PIAS4: variants seen among roughly 807,000 people sequenced by gnomAD.
PIAS4 encodes E3 SUMO-protein ligase PIAS4.
PIAS4 carries 7 observed loss-of-function variants against 58.0 expected under a neutral mutation model. That is an observed-to-expected ratio of 0.12 (90% CI 0.07 to 0.23). The LOEUF (loss-of-function observed/expected upper bound fraction) is 0.23. PIAS4 is among the 10% of genes least tolerant of loss of function. The pLI is 1.00. For synonymous variants in PIAS4, 364 were observed against 312.4 expected, an observed-to-expected ratio of 1.17 and a Z score of -1.74; for missense variants, 550 against 709.5, an observed-to-expected ratio of 0.78 and a Z score of 2.55.
rs1456836292 is a variant in PIAS4 at position 4,037,593 on chromosome 19, C to T, written c.1274-23C>T. ...TCAGTGGTTGCATCCTAAGTACCTG[C>T]ACCCTGTCCCTGTTGCCCGTAGGCC... On this transcript the variant is annotated intron_variant, in intron 10 of 10. Transcript: ENST00000262971. This position sits in a 1 kb window ranked among gnomAD's most constrained non-coding sequence, Gnocchi z 5.8. The T allele has an allele frequency of 3.1e-6, 5 of 1,608,252 alleles. No homozygotes were observed. The highest frequency in any genetic ancestry group is 4.2e-6 in the Non-Finnish European group (5 of 1,179,766).
At chr19:4,012,896 AGT>A (rs1362020042) in intron 1 of PIAS4, 25 bp from the exon 2 acceptor site, 3 of 1,588,088 alleles carry the variant, frequency 1.9e-6, no homozygotes, top group East Asian at 2.2e-5. Context: ...GTGTCCTCTG[AGT>A]GTGTGTGTGC....
chr19:4,028,588 C>T lies in PIAS4; in HGVS notation c.660C>T (p.Tyr220=). 3 of 1,612,888 alleles carry T rather than the reference C, an allele frequency of 1.9e-6. No individual in the cohort carries two copies. The highest frequency in any genetic ancestry group is 2.5e-6 in the Non-Finnish European group (3 of 1,179,886). Residue 220 remains tyrosine, a synonymous_variant, in exon 5 of 11, where the codon TAC becomes TAT. Coordinates refer to ENST00000262971, the MANE Select transcript of PIAS4 (RefSeq NM_015897.4). ...PNIAVKVNHS[Y]CSVPGYYPSN... ...TCGCTGTGAAGGTCAACCACAGCTA[C>T]TGCTCCGTCCCGGTGAGCATGCCCC...
At chr19:4,032,128 C>T (rs1158324326) in intron 7 of PIAS4, among the ~76,000 whole-genome samples, 1 of 151,964 alleles carries the variant, frequency 6.6e-6, no homozygotes, top group Non-Finnish European at 1.5e-5. Flanking sequence ...CCCAAGCGGG[C>T]AGAGATAAGT....
At chr19:4,031,131 C>T (rs925529495) in intron 7 of PIAS4, among the ~76,000 whole-genome samples, 7 of 152,082 alleles carry the variant, frequency 4.6e-5, no homozygotes, top group Non-Finnish European at 7.4e-5. Context: ...AGAGAGTTCC[C>T]CATGAGCACT....
chr19:4,007,929 C>G (rs1444829684), intron 1 of PIAS4, 142 bp downstream of exon 1: 1 of 514,700 alleles, frequency 1.9e-6, no homozygotes, highest in Admixed American at 4.9e-5. Flanking sequence ...CAGACCCCGA[C>G]CCCCGGTCTC....
At chr19:4,019,261 G>A (rs1568214528) in intron 2 of PIAS4, among the ~76,000 whole-genome samples, 1 of 152,164 alleles carries the variant, frequency 6.6e-6, no homozygotes, top group Non-Finnish European at 1.5e-5. Context: ...GTGTTTGGGG[G>A]GAACCGTCAG....
chr19:4,012,228 A>G (rs1275769133), intron 1 of PIAS4, among the ~76,000 whole-genome samples: 1 of 151,846 alleles, frequency 6.6e-6, no homozygotes, highest in Non-Finnish European at 1.5e-5. Context: ...TGACATCCAG[A>G]GGGTAGTGTG....
At chr19:4,028,221 G>GGGGTCC in intron 4 of PIAS4, 34 bp downstream of exon 4, 1 of 1,594,728 alleles carries the variant, frequency 6.3e-7, no homozygotes, top group Non-Finnish European at 8.5e-7. Context: ...CCCAGGGCTG[G>GGGGTCC]ACCCCCAGCC....
rs1015534980 is a variant in PIAS4, at chr19:4,022,334, TTTG to T, written c.455-1687_455-1685del. On this transcript the variant is annotated intron_variant, in intron 2 of 10. Coordinates refer to ENST00000262971, the MANE Select transcript of PIAS4 (RefSeq NM_015897.4). Reference sequence around the variant, plus strand: ...GTTGTTCAGCTAGAGTTTTGTTTTTTTTGTTGTTGTTGTTGTTTTTGGTGGTTT... The same window carrying T: ...GTTGTTCAGCTAGAGTTTTGTTTTTTTTGTTGTTGTTGTTTTTGGTGGTTT... Among the ~76,000 whole-genome samples, 142 of 152,246 alleles carry T rather than the reference TTTG, an allele frequency of 9.3e-4. 2 individuals are homozygous for T. The highest frequency in any genetic ancestry group is 8.7e-3 in the Admixed American group (133 of 15,290).
intron 1 of PIAS4, 80 bp from the exon 2 acceptor site, chr19:4,012,843 C>T (rs889672106): frequency 4.9e-5 from 71 of 1,436,564 alleles, no homozygotes; most frequent in Non-Finnish European, 3.1e-5. Context: ...TCACGGCCCC[C>T]ACATCGGGGC....
intron 8 of PIAS4, 41 bp downstream of exon 8, chr19:4,033,214 G>T (rs748306435): frequency 6.3e-7 from 1 of 1,575,480 alleles, no homozygotes; most frequent in South Asian, 1.1e-5. Context: ...CCTCTCCTGC[G>T]GCCGGCCTTC....
At chr19:4,025,486 C>T (rs895340) in intron 3 of PIAS4, among the ~76,000 whole-genome samples, 140,632 of 152,272 alleles carry the variant, frequency 0.92, 64,983 homozygotes, top group East Asian at 0.96. Context: ...AGGGCTGGGC[C>T]GGGCGCCCCC....
chr19:4,027,568 G>T (rs895337), intron 3 of PIAS4, among the ~76,000 whole-genome samples: 131,145 of 142,358 alleles, frequency 0.92, 60,430 homozygotes, highest in East Asian at 0.96. Context: ...ACTGGTTTTT[G>T]TTTTTTTTTT....
intron 3 of PIAS4, among the ~76,000 whole-genome samples, chr19:4,025,787 G>T (rs544765501): frequency 1.3e-5 from 2 of 152,154 alleles, no homozygotes; most frequent in Non-Finnish European, 2.9e-5. Context: ...AAAAAAATCA[G>T]TTTGGGCTGG....
intron 2 of PIAS4, among the ~76,000 whole-genome samples, chr19:4,014,164 G>A (rs1341684734): frequency 6.6e-6 from 1 of 152,210 alleles, no homozygotes. Context: ...GGGGGTTCAG[G>A]GCGATCCCAG....
chr19:4,026,279 C>G (rs560484260), intron 3 of PIAS4, among the ~76,000 whole-genome samples: 1 of 133,706 alleles, frequency 7.5e-6, no homozygotes, highest in Non-Finnish European at 1.5e-5. Flanking sequence ...ACTACAGGTG[C>G]GCACCACCAC....
intron 3 of PIAS4, among the ~76,000 whole-genome samples, chr19:4,027,034 A>C (rs1045230774): frequency 6.7e-6 from 1 of 148,622 alleles, no homozygotes; most frequent in African/African-American, 2.5e-5. Context: ...TTGTATTTTT[A>C]GTAGAGACGG....
At position 4,013,431 on chromosome 19, in the gene PIAS4, C is replaced by G; in HGVS notation, c.454+82C>G. On this transcript the variant is annotated intron_variant, in intron 2 of 10. Coordinates refer to ENST00000262971, the MANE Select transcript of PIAS4 (RefSeq NM_015897.4). The surrounding 1 kb of genome is among the most constrained non-coding windows in gnomAD (Gnocchi z 5.1). The stretch of plus-strand genomic sequence containing the variant: ...CAGCCCAGCCCAGCCACACAGCCGA[C>G]TTCGAGTGATGTTCTCTGTGGCGCA... The G allele has an allele frequency of 7.9e-7, 1 of 1,268,624 alleles. No individual in the cohort carries two copies. The highest frequency in any genetic ancestry group is 1.1e-6 in the Non-Finnish European group (1 of 902,214). The allele number at this position is 1,268,624 out of a possible 1,614,324, so 78.6% of individuals were successfully genotyped here.
At chr19:4,032,354 C>T (rs2040230329) in intron 7 of PIAS4, among the ~76,000 whole-genome samples, 1 of 152,022 alleles carries the variant, frequency 6.6e-6, no homozygotes, top group East Asian at 1.9e-4. Flanking sequence ...GGGTGGCCTG[C>T]CCCCCATGGC....
Sources: allele counts gnomAD v4.1 joint callset (sites outside exome capture counted in the v4.1 genomes callset), GRCh38; gene constraint gnomAD v4.1.1; non-coding constraint Gnocchi (gnomAD v3.1); transcripts MANE v1.5; gene names NCBI Gene and HGNC (gene_info 2026-07-23, HGNC 2026-07-21).